KLHL2: variants seen among roughly 807,000 people sequenced by gnomAD.
The protein encoded by KLHL2 is kelch-like protein 2.
In KLHL2, 15 loss-of-function variants were observed where a neutral mutation model predicts 75.8. The ratio of observed to expected loss-of-function variants is 0.20; its 90% confidence interval spans 0.13 to 0.30. The LOEUF is 0.30. Among genes scored for constraint, KLHL2 ranks in the 10% least tolerant of loss-of-function variants. The pLI is 1.00. For synonymous variants in KLHL2, 214 were observed against 251.9 expected (o/e 0.85, Z 1.42); for missense variants, 381 against 741.0 (o/e 0.51, Z 5.64).
chr4:165,292,550 C>T (rs147961738), intron 5 of KLHL2, among the ~76,000 whole-genome samples: 66 of 152,140 alleles, frequency 4.3e-4, no homozygotes, highest in African/African-American at 1.3e-3. Context: ...CCAGGCTGGT[C>T]TTGGACTCCT....
At chr4:165,237,402 C>T (rs1442737234) in intron 3 of KLHL2, among the ~76,000 whole-genome samples, 1 of 149,570 alleles carries the variant, frequency 6.7e-6, no homozygotes, top group African/African-American at 2.5e-5. Context: ...CTTCCCTTGT[C>T]ATACAAAGAG....
chr4:165,309,283 G>T (rs1054686860), intron 9 of KLHL2, among the ~76,000 whole-genome samples: 1 of 152,172 alleles, frequency 6.6e-6, no homozygotes, highest in East Asian at 1.9e-4. Flanking sequence ...GGCTAAAGTG[G>T]ACAGGGAAGG....
At chr4:165,289,490 T>C (rs1005992144) in intron 5 of KLHL2, among the ~76,000 whole-genome samples, 4 of 150,996 alleles carry the variant, frequency 2.6e-5, no homozygotes, top group Non-Finnish European at 5.9e-5. Context: ...ACTTTTCCTT[T>C]AGGCTAATTT....
chr4:165,294,837 G>T (rs540300116), intron 6 of KLHL2, among the ~76,000 whole-genome samples: 2 of 152,176 alleles, frequency 1.3e-5, no homozygotes, highest in African/African-American at 4.8e-5. Context: ...TAGGAATTAT[G>T]ATGTGAACAT....
chr4:165,319,780 C>T lies in KLHL2; in HGVS notation c.1753+1811C>T, dbSNP rs1030245117. Among the ~76,000 whole-genome samples the T allele has an allele frequency of 6.6e-6, 1 of 152,012 alleles. No homozygotes were observed. Among genetic ancestry groups the T allele is most frequent in the African/African-American group, 2.4e-5 (1 of 41,388 alleles). ...GGGATTACAGGGATGTGCCACCACA[C>T]CTGGCTAATTTTTAAATTTTTATTA... On this transcript the variant is annotated intron_variant, in intron 14 of 14. Transcript: ENST00000226725. The surrounding 1 kb of genome is among the most constrained non-coding windows in gnomAD (Gnocchi z 4.5).
intron 4 of KLHL2, among the ~76,000 whole-genome samples, chr4:165,247,677 G>A (rs1360493458): frequency 1.3e-5 from 2 of 152,180 alleles, no homozygotes; most frequent in Admixed American, 6.5e-5. Context: ...GGCTTGGATG[G>A]TGGAAAGGTA....
rs1742695981 is a variant in KLHL2 at position 165,271,556 on chromosome 4, T to A, written c.544+8197T>A. Reference sequence around the variant, plus strand: ...CAAAGCTAGGCGCCTTTTGGAGGAGTCTTTAGGGCTTTCTAGGTATAAGAT... The same window carrying A: ...CAAAGCTAGGCGCCTTTTGGAGGAGACTTTAGGGCTTTCTAGGTATAAGAT... On this transcript the variant is annotated intron_variant, in intron 5 of 14. Coordinates refer to ENST00000226725, the MANE Select transcript of KLHL2 (RefSeq NM_007246.4). Among the ~76,000 whole-genome samples, 4 of 152,158 alleles carry A rather than the reference T, an allele frequency of 2.6e-5. No homozygotes were observed. In the South Asian group the frequency reaches 8.3e-4, roughly 32 times the overall value.
rs1743328740 is a variant in KLHL2, at chr4:165,278,310, C to G, written c.544+14951C>G. 4 of 1,087,116 alleles carry G rather than the reference C, an allele frequency of 3.7e-6. No homozygotes were observed. In the African/African-American group the frequency reaches 6.2e-5, roughly 17 times the overall value. 67.3% of individuals were successfully genotyped at this position (1,087,116 alleles called of 1,614,324 possible). A position where few individuals can be genotyped will look rare whatever the true frequency, so the allele number is the denominator to read the frequency against. On this transcript the variant is annotated intron_variant, in intron 5 of 14. Transcript: ENST00000226725. ...GTTTCGGGCATCAAGGGCTTCACTACTGGAATATACAGAATGTCTGCTTGT... is the reference window on the plus strand; with the variant it reads ...GTTTCGGGCATCAAGGGCTTCACTAGTGGAATATACAGAATGTCTGCTTGT...
chr4:165,294,490 C>A (rs756759202), intron 6 of KLHL2, 22 bp downstream of exon 6: 3 of 1,347,614 alleles, frequency 2.2e-6, no homozygotes, highest in East Asian at 2.3e-5. Flanking sequence ...TTTCTTTTCC[C>A]AGTGTGCAAT....
chr4:165,263,160 A>G (rs1176564616), intron 4 of KLHL2, 37 bp from the exon 5 acceptor site: 26 of 1,607,336 alleles, frequency 1.6e-5, no homozygotes, highest in Non-Finnish European at 2.0e-5. Context: ...GTGTTTTTCC[A>G]CCCAAGTGCC....
chr4:165,320,267 C>G (rs1746866993), intron 14 of KLHL2, among the ~76,000 whole-genome samples: 1 of 152,160 alleles, frequency 6.6e-6, no homozygotes, highest in Non-Finnish European at 1.5e-5. Flanking sequence ...TTGGACTGCT[C>G]TTATCTAAAA....
chr4:165,227,318 T>A (rs1423713895), intron 2 of KLHL2, among the ~76,000 whole-genome samples: 1 of 152,194 alleles, frequency 6.6e-6, no homozygotes, highest in Non-Finnish European at 1.5e-5. Flanking sequence ...GCTGGGGTAC[T>A]CTTTTTTTCT....
In KLHL2 at chr4:165,299,500, G is replaced by A; in HGVS notation, c.772-7G>A. 1 of 1,600,540 alleles carries A rather than the reference G, an allele frequency of 6.2e-7. No homozygotes were observed. The highest frequency in any genetic ancestry group is 8.5e-7 in the Non-Finnish European group (1 of 1,173,324). On this transcript the variant is annotated splice_polypyrimidine_tract_variant and splice_region_variant and intron_variant, in intron 7 of 14. Coordinates refer to ENST00000226725, the MANE Select transcript of KLHL2 (RefSeq NM_007246.4). ...CCTCAGTGGGTGTGTCTGATTTCTT[G>A]TTACAGAGGGTTGAAGAGGAAGCAT...
chr4:165,289,707 A>C (rs1200078599), intron 5 of KLHL2, among the ~76,000 whole-genome samples: 1 of 152,180 alleles, frequency 6.6e-6, no homozygotes, highest in Admixed American at 6.5e-5. Context: ...ATGCCCTTCT[A>C]CATTTATGTA....
rs138683890 is a variant in KLHL2, at chr4:165,262,535, T to C, written c.382-662T>C. Reference sequence around the variant, plus strand: ...GAACAAAACCATTTTCATTGAATCATAGCACCCCCTAGCATCCTAATAATT... The same window carrying C: ...GAACAAAACCATTTTCATTGAATCACAGCACCCCCTAGCATCCTAATAATT... On this transcript the variant is annotated intron_variant, in intron 4 of 14. Transcript: ENST00000226725. Among the ~76,000 whole-genome samples the C allele has an allele frequency of 6.8e-3, 1,043 of 152,284 alleles. 14 individuals are homozygous for C. The highest frequency in any genetic ancestry group is 0.024 in the African/African-American group (986 of 41,550).
intron 3 of KLHL2, among the ~76,000 whole-genome samples, chr4:165,229,881 G>T (rs1487111398): frequency 6.6e-6 from 1 of 152,250 alleles, no homozygotes; most frequent in Non-Finnish European, 1.5e-5. Flanking sequence ...AAGACAGACT[G>T]AGTGAAAACT....
intron 5 of KLHL2, among the ~76,000 whole-genome samples, chr4:165,285,275 A>G (rs1744000815): frequency 6.6e-6 from 1 of 152,250 alleles, no homozygotes. Context: ...TTACTGAGAA[A>G]GAATTAACAG....
intron 9 of KLHL2, among the ~76,000 whole-genome samples, chr4:165,307,777 CA>C (rs1186535611): frequency 2.0e-5 from 3 of 152,094 alleles, no homozygotes; most frequent in Non-Finnish European, 4.4e-5. Context: ...TACCCTATGA[CA>C]AAATTATATT....
intron 8 of KLHL2, among the ~76,000 whole-genome samples, chr4:165,302,235 C>T (rs374642651): frequency 6.6e-6 from 1 of 152,184 alleles, no homozygotes; most frequent in Non-Finnish European, 1.5e-5. Context: ...CACATATTTT[C>T]GAAAAGGTGC....
Sources: allele counts gnomAD v4.1 joint callset (sites outside exome capture counted in the v4.1 genomes callset), GRCh38; gene constraint gnomAD v4.1.1; non-coding constraint Gnocchi (gnomAD v3.1); transcripts MANE v1.5; gene names NCBI Gene and HGNC (gene_info 2026-07-23, HGNC 2026-07-21).